The following AGBL1 variants were observed in gnomAD, a reference collection of about 807,000 sequenced individuals.
AGBL1 encodes the protein AGBL carboxypeptidase 1, also known as cytosolic carboxypeptidase 4.
In AGBL1, 130 loss-of-function variants were observed where a neutral mutation model predicts 118.9. The ratio of observed to expected loss-of-function variants is 1.09; its 90% confidence interval spans 0.95 to 1.26. AGBL1 has a LOEUF of 1.26. Among genes scored for constraint, AGBL1 ranks in the 50% most tolerant of loss-of-function variants. AGBL1 has a pLI of 0.00. For missense variants in AGBL1, 1,584 were observed against 1,298.1 expected (o/e 1.22, Z -3.38); for synonymous variants, 555 against 478.9 (o/e 1.16, Z -2.08).
chr15:86,996,576 T>C (rs1224990810), intron 24 of AGBL1, among the ~76,000 whole-genome samples: 1 of 152,244 alleles, frequency 6.6e-6, no homozygotes, highest in African/African-American at 2.4e-5. Flanking sequence ...TACTCCAGCC[T>C]GGGCAACAGA....
In AGBL1 at chr15:86,563,128, T is replaced by C. The variant is rs2083853437; in HGVS notation, c.2994+8591T>C. ...TTCACTGATTTTTTGAAGGGTTTTTTGTGTCTCTATCTCCTTCAGTTCTAC... is the reference window on the plus strand; with the variant it reads ...TTCACTGATTTTTTGAAGGGTTTTTCGTGTCTCTATCTCCTTCAGTTCTAC... On this transcript the variant is annotated intron_variant, in intron 21 of 22. Coordinates refer to ENST00000614907, the MANE Select transcript of AGBL1 (RefSeq NM_001386094.1). 3.3e-5 allele frequency among the ~76,000 whole-genome samples: 5 copies of C among 152,224 alleles called. No individual in the cohort carries two copies. The South Asian group carries it at 1.0e-3, about 32-fold the overall frequency.
chr15:86,731,638 C>A (rs557721331), intron 22 of AGBL1, among the ~76,000 whole-genome samples: 49 of 152,200 alleles, frequency 3.2e-4, no homozygotes, highest in Non-Finnish European at 6.0e-4. Flanking sequence ...TGAAAGCCAA[C>A]AAGATACAAA....
chr15:86,222,958 T>C (rs1394460063), intron 5 of AGBL1, among the ~76,000 whole-genome samples: 2 of 152,172 alleles, frequency 1.3e-5, no homozygotes, highest in Non-Finnish European at 1.5e-5. Context: ...ATAAAGATTC[T>C]TATTCAGCAG....
chr15:86,099,841 C>T (rs943002460), intron 1 of AGBL1, among the ~76,000 whole-genome samples: 1 of 151,890 alleles, frequency 6.6e-6, no homozygotes, highest in Non-Finnish European at 1.5e-5. Flanking sequence ...TTTTCTCATG[C>T]CAGATTGCCT....
intron 22 of AGBL1, among the ~76,000 whole-genome samples, chr15:86,691,504 G>A (rs2086171146): frequency 6.6e-6 from 1 of 152,136 alleles, no homozygotes; most frequent in Non-Finnish European, 1.5e-5. Context: ...AGGCACATGT[G>A]TGTGTAGTTT....
intron 22 of AGBL1, among the ~76,000 whole-genome samples, chr15:86,894,499 T>C (rs972374783): frequency 6.6e-6 from 1 of 152,156 alleles, no homozygotes; most frequent in Non-Finnish European, 1.5e-5. Flanking sequence ...ATGCTGCCCT[T>C]AGAAGAAGGT....
At chr15:86,934,447 G>T (rs917102461) in intron 23 of AGBL1, among the ~76,000 whole-genome samples, 1 of 152,046 alleles carries the variant, frequency 6.6e-6, no homozygotes, top group Non-Finnish European at 1.5e-5. Flanking sequence ...ACCAGAGAGA[G>T]GCAGAATAAA....
chr15:86,925,196 AGAAAAG>A (rs1239527373), intron 23 of AGBL1, among the ~76,000 whole-genome samples: 2,298 of 125,808 alleles, frequency 0.018, 95 homozygotes, highest in African/African-American at 0.062. Flanking sequence ...GAAGAAAAGA[AGAAAAG>A]AAGAAGAAAA....
intron 24 of AGBL1, among the ~76,000 whole-genome samples, chr15:87,002,834 C>G (rs199873796): frequency 2.0e-4 from 29 of 147,408 alleles, no homozygotes; most frequent in South Asian, 6.5e-4. Context: ...ATTTTATATC[C>G]TGAGACTTTG....
At chr15:86,484,664 G>A (rs2082692346) in intron 18 of AGBL1, among the ~76,000 whole-genome samples, 1 of 152,068 alleles carries the variant, frequency 6.6e-6, no homozygotes. Flanking sequence ...TACTGCCTGA[G>A]TAGGAAATGC....
intron 22 of AGBL1, among the ~76,000 whole-genome samples, chr15:86,819,526 T>C (rs1372841025): frequency 1.3e-5 from 2 of 151,764 alleles, no homozygotes; most frequent in East Asian, 1.9e-4. Context: ...CTCAAATGAG[T>C]GAACTCCCAT....
chr15:86,221,643 C>G (rs2080137766), intron 5 of AGBL1, among the ~76,000 whole-genome samples: 1 of 152,172 alleles, frequency 6.6e-6, no homozygotes, highest in Non-Finnish European at 1.5e-5. Context: ...ATCCTTGGCA[C>G]TGCGTATGGG....
At chr15:86,998,517 TA>T (rs2081401009) in intron 24 of AGBL1, among the ~76,000 whole-genome samples, 1 of 152,172 alleles carries the variant, frequency 6.6e-6, no homozygotes, top group South Asian at 2.1e-4. Flanking sequence ...TGTAGCCTCT[TA>T]AAGATTCTGA....
At chr15:86,768,998 G>A (rs2078134085) in intron 22 of AGBL1, among the ~76,000 whole-genome samples, 1 of 151,956 alleles carries the variant, frequency 6.6e-6, no homozygotes. Flanking sequence ...CTGGGTTAGA[G>A]ACAAAGACAG....
intron 10 of AGBL1, among the ~76,000 whole-genome samples, chr15:86,263,633 C>G (rs2079028200): frequency 6.6e-6 from 1 of 152,190 alleles, no homozygotes. Context: ...TGACTTCAGG[C>G]TTTCTTTTTT....
At chr15:86,871,766 A>C (rs1449382688) in intron 22 of AGBL1, among the ~76,000 whole-genome samples, 1 of 152,074 alleles carries the variant, frequency 6.6e-6, no homozygotes, top group Non-Finnish European at 1.5e-5. Context: ...TTCCACACCT[A>C]CCATCTTGGC....
intron 21 of AGBL1, among the ~76,000 whole-genome samples, chr15:86,598,808 G>C (rs1372419868): frequency 6.6e-6 from 1 of 152,128 alleles, no homozygotes; most frequent in African/African-American, 2.4e-5. Context: ...ATGCAACTTA[G>C]ATTTTGTTGT....
chr15:86,405,120 AT>A (rs1156254916), intron 18 of AGBL1, among the ~76,000 whole-genome samples: 2 of 152,094 alleles, frequency 1.3e-5, no homozygotes, highest in Non-Finnish European at 2.9e-5. Flanking sequence ...ATCAGTTTTA[AT>A]TTTTTTGAGT....
chr15:86,970,122 C>G (rs1263353180), intron 23 of AGBL1, among the ~76,000 whole-genome samples: 1 of 151,830 alleles, frequency 6.6e-6, no homozygotes, highest in Non-Finnish European at 1.5e-5. Context: ...TTCTGTCTTT[C>G]AATTGCGGAG....
Sources: gnomAD v4.1 joint callset for allele counts (sites outside exome capture counted in the v4.1 genomes callset) on GRCh38, gnomAD v4.1.1 for gene constraint, MANE v1.5 for transcripts, NCBI Gene and HGNC (gene_info 2026-07-23, HGNC 2026-07-21) for gene names.